Variants in RFTN2 observed in about 807,000 individuals in gnomAD.
RFTN2 encodes raftlin-2.
In RFTN2, 34 loss-of-function variants were observed where a neutral mutation model predicts 52.7. That is an observed-to-expected ratio of 0.64 (90% CI 0.49 to 0.86). The LOEUF is 0.86. Ranked by LOEUF, RFTN2 falls within the 40% of genes least tolerant of loss-of-function variation. The probability of loss-of-function intolerance (pLI) is 0.00; values close to 1 mark genes in which losing one functional copy is unlikely to be tolerated. For synonymous variants in RFTN2, 203 were observed against 217.7 expected, an observed-to-expected ratio of 0.93 and a Z score of 0.59; for missense variants, 536 against 600.1, an observed-to-expected ratio of 0.89 and a Z score of 1.12.
At chr2:197,619,514 T>A (rs2088220849) in intron 5 of RFTN2, among the ~76,000 whole-genome samples, 3 of 150,430 alleles carry the variant, frequency 2.0e-5, no homozygotes, top group Non-Finnish European at 1.5e-5. Flanking sequence ...CGGTGCAAGA[T>A]GTGCTTTGTT....
intron 1 of RFTN2, among the ~76,000 whole-genome samples, chr2:197,654,731 C>T: frequency 6.6e-6 from 1 of 152,136 alleles, no homozygotes; most frequent in Non-Finnish European, 1.5e-5. Context: ...GGCATGGTGG[C>T]TCATGCCTGT....
At chr2:197,608,515 T>C (rs2087998512) in intron 7 of RFTN2, among the ~76,000 whole-genome samples, 1 of 151,754 alleles carries the variant, frequency 6.6e-6, no homozygotes, top group Non-Finnish European at 1.5e-5. Flanking sequence ...GGTTTCACCA[T>C]GTTAGCTAGG....
intron 7 of RFTN2, among the ~76,000 whole-genome samples, chr2:197,599,022 G>A (rs981179279): frequency 8.6e-5 from 13 of 151,678 alleles, no homozygotes; most frequent in African/African-American, 2.9e-4. Context: ...CACGACCTCG[G>A]CTCACTGCAA....
At chr2:197,611,009 G>T (rs2088048512) in intron 7 of RFTN2, among the ~76,000 whole-genome samples, 1 of 152,196 alleles carries the variant, frequency 6.6e-6, no homozygotes, top group Non-Finnish European at 1.5e-5. Flanking sequence ...GCTGGATTCG[G>T]TTTGCCAGTA....
At chr2:197,594,575 TC>T (rs1236053994) in intron 8 of RFTN2, among the ~76,000 whole-genome samples, 2 of 152,162 alleles carry the variant, frequency 1.3e-5, no homozygotes, top group African/African-American at 2.4e-5. Flanking sequence ...CAAGCAGTTC[TC>T]CCACTTCAGC....
rs545413665 is a variant in RFTN2 at position 197,587,913 on chromosome 2, G to A, written c.1233+8078C>T. 8 of 449,908 alleles carry A rather than the reference G, an allele frequency of 1.8e-5. No individual in the cohort carries two copies. The East Asian group carries it at 3.5e-4, about 20-fold the overall frequency. 27.9% of individuals were successfully genotyped at this position (449,908 alleles called of 1,614,324 possible). A position where few individuals can be genotyped will look rare whatever the true frequency, so the allele number is the denominator to read the frequency against. On this transcript the variant is annotated intron_variant, in intron 8 of 8. Coordinates refer to ENST00000295049, the MANE Select transcript of RFTN2 (RefSeq NM_144629.3). ...TCAGTCCCCTTATTCTACAGAGGTG[G>A]GGCCCAGACCCAGAAAGAAAACAGG...
chr2:197,625,819 G>T (rs1229122492), intron 5 of RFTN2, among the ~76,000 whole-genome samples: 1 of 143,972 alleles, frequency 6.9e-6, no homozygotes, highest in Non-Finnish European at 1.5e-5. Flanking sequence ...TCACTCTGTT[G>T]CCCAGGCTGC....
At chr2:197,618,233 G>A (rs1441879349) in intron 5 of RFTN2, among the ~76,000 whole-genome samples, 15 of 152,028 alleles carry the variant, frequency 9.9e-5, no homozygotes, top group African/African-American at 4.8e-5. Flanking sequence ...TTGCAGGCGC[G>A]CGCCGCCACG....
At chr2:197,638,066 T>A (rs2088598873) in intron 3 of RFTN2, among the ~76,000 whole-genome samples, 1 of 151,688 alleles carries the variant, frequency 6.6e-6, no homozygotes, top group Non-Finnish European at 1.5e-5. Context: ...AAATTCTTAA[T>A]TCTGAGTTCT....
chr2:197,621,264 T>C (rs1197303125), intron 5 of RFTN2, among the ~76,000 whole-genome samples: 2 of 152,116 alleles, frequency 1.3e-5, no homozygotes, highest in Non-Finnish European at 2.9e-5. Flanking sequence ...CCTTCTTTCT[T>C]ACTTTGGGAT....
chr2:197,626,734 T>C (rs1237662568), intron 5 of RFTN2, among the ~76,000 whole-genome samples: 1 of 145,438 alleles, frequency 6.9e-6, no homozygotes, highest in African/African-American at 2.5e-5. Flanking sequence ...TTTTCTTGCC[T>C]CAGCCTCCTG....
At chr2:197,595,486 G>T (rs1410201032) in intron 8 of RFTN2, among the ~76,000 whole-genome samples, 2 of 152,250 alleles carry the variant, frequency 1.3e-5, no homozygotes, top group Non-Finnish European at 2.9e-5. Context: ...GTGGTAAGTT[G>T]TGGACAGGTG....
chr2:197,670,442 A>G (rs1246550913), intron 1 of RFTN2, among the ~76,000 whole-genome samples: 1 of 152,088 alleles, frequency 6.6e-6, no homozygotes, highest in Non-Finnish European at 1.5e-5. Flanking sequence ...TTTTCCCTCA[A>G]TGATTCTAAC....
intron 3 of RFTN2, among the ~76,000 whole-genome samples, chr2:197,636,208 C>A (rs1216479603): frequency 1.7e-4 from 25 of 151,456 alleles, no homozygotes; most frequent in Admixed American, 2.6e-4. Context: ...CTTAGGATTG[C>A]CTTGGCGACG....
chr2:197,597,873 G>T lies in RFTN2; in HGVS notation c.1155-1804C>A, dbSNP rs778398992. On this transcript the variant is annotated intron_variant, in intron 7 of 8. Coordinates refer to ENST00000295049, the MANE Select transcript of RFTN2 (RefSeq NM_144629.3). ...TAAGTGATAAGTGAAGAATAAGAGT[G>T]CATGAAGAGCCTCCCATTGTGCTTG... 2.6e-5 allele frequency among the ~76,000 whole-genome samples: 4 copies of T among 152,266 alleles called. No homozygotes were observed. The South Asian group carries it at 8.3e-4, about 32-fold the overall frequency.
intron 8 of RFTN2, among the ~76,000 whole-genome samples, chr2:197,588,451 G>A (rs1413943916): frequency 6.6e-6 from 1 of 152,222 alleles, no homozygotes. Context: ...CTGGCCTCAT[G>A]GCCAGCCGCC....
At chr2:197,608,412 A>C (rs1424168357) in intron 7 of RFTN2, among the ~76,000 whole-genome samples, 1 of 151,376 alleles carries the variant, frequency 6.6e-6, no homozygotes, top group Non-Finnish European at 1.5e-5. Context: ...CCCTGGTTCA[A>C]GTGATTCTCG....
chr2:197,637,578 G>A (rs911160795), intron 3 of RFTN2, among the ~76,000 whole-genome samples: 5 of 152,256 alleles, frequency 3.3e-5, no homozygotes, highest in Non-Finnish European at 7.4e-5. Flanking sequence ...TGTGGGATTG[G>A]TGGTGATATC....
intron 7 of RFTN2, among the ~76,000 whole-genome samples, chr2:197,599,228 C>T (rs1013215610): frequency 7.9e-5 from 12 of 152,112 alleles, no homozygotes; most frequent in African/African-American, 2.2e-4. Flanking sequence ...CGTGAGCCAC[C>T]GCGCCCAGCC....
Sources: allele counts gnomAD v4.1 joint callset (sites outside exome capture counted in the v4.1 genomes callset), GRCh38; gene constraint gnomAD v4.1.1; transcripts MANE v1.5; gene names NCBI Gene and HGNC (gene_info 2026-07-23, HGNC 2026-07-21).